PACS2: variants seen among roughly 807,000 people sequenced by gnomAD.
PACS2 encodes phosphofurin acidic cluster sorting protein 2.
PACS2 carries 36 observed loss-of-function variants against 113.0 expected under a neutral mutation model. That is an observed-to-expected ratio of 0.32 (90% CI 0.24 to 0.42). The LOEUF (loss-of-function observed/expected upper bound fraction) is 0.42, where lower values mean the gene tolerates loss of function less well. PACS2 is among the 10% of genes least tolerant of loss of function. PACS2 has a pLI of 1.00. For synonymous variants in PACS2, 589 were observed against 536.1 expected (o/e 1.10, Z -1.36); for missense variants, 1,015 against 1,239.5 (o/e 0.82, Z 2.72).
At chr14:105,387,441 G>A (rs887736799) in intron 19 of PACS2, among the ~76,000 whole-genome samples, 2 of 152,230 alleles carry the variant, frequency 1.3e-5, no homozygotes, top group African/African-American at 4.8e-5. Flanking sequence ...AGGGCCATGC[G>A]GAGTGGCCCC....
chr14:105,376,718 G>A lies in PACS2; in HGVS notation c.802-50G>A. 1 of 1,588,658 alleles carries A rather than the reference G, an allele frequency of 6.3e-7. No homozygotes were observed. ...CTGGGGTCTCGGGCGCCCCCAGTGG[G>A]GCAATGTGGGCTGCTGCAGGGAACT... On this transcript the variant is annotated intron_variant, in intron 8 of 24. Transcript: ENST00000447393. This position sits in a 1 kb window ranked among gnomAD's most constrained non-coding sequence, Gnocchi z 4.7.
At chr14:105,375,042 C>T (rs2061300061) in intron 8 of PACS2, 1 of 152,224 alleles carries the variant, frequency 6.6e-6, no homozygotes, top group South Asian at 2.1e-4. Context: ...GTAATCCCAG[C>T]ACTTTGGGGG....
In PACS2 at chr14:105,391,711, G is replaced by A; in HGVS notation, c.2200G>A (p.Ala734Thr). The A allele has an allele frequency of 6.2e-7, 1 of 1,602,404 alleles. No homozygotes were observed. The highest frequency in any genetic ancestry group is 8.5e-7 in the Non-Finnish European group (1 of 1,175,042). Reference sequence around the variant, plus strand: ...GTCCGCATCTCCTGCGGCCAAGGAGGCCTCACCCACCCCGCCCTCCTCCCC... The same window carrying A: ...GTCCGCATCTCCTGCGGCCAAGGAGACCTCACCCACCCCGCCCTCCTCCCC... ...PPSASPAAKE[A>T]SPTPPSSPSV... The change falls in exon 22 of 25, where the codon GCC becomes ACC. Residue 734 changes from alanine to threonine, a missense_variant. Ala to Thr is a moderately conservative substitution (Grantham distance 58, BLOSUM62 0). Around this residue, in one of 3 missense-constraint regions of PACS2, gnomAD observed 859 missense variants for 1,056.8 expected, o/e 0.81. Coordinates refer to ENST00000447393, the MANE Select transcript of PACS2 (RefSeq NM_001100913.3).
chr14:105,380,938 G>A lies in PACS2; in HGVS notation c.1126-19G>A, dbSNP rs782598902. On this transcript the variant is annotated intron_variant, in intron 11 of 24. Coordinates refer to ENST00000447393, the MANE Select transcript of PACS2 (RefSeq NM_001100913.3). Reference sequence around the variant, plus strand: ...GTGTGGTTTCCACGGGAGGCTCCAGGCCCGTCTCTGCTCAGCAGGGTGTGC... The same window carrying A: ...GTGTGGTTTCCACGGGAGGCTCCAGACCCGTCTCTGCTCAGCAGGGTGTGC... The A allele has an allele frequency of 1.9e-5, 31 of 1,601,106 alleles. 1 individual carries two copies. In the South Asian group the frequency reaches 2.7e-4, roughly 14 times the overall value.
rs2081049221 is a variant in PACS2 at position 105,383,080 on chromosome 14, T to G, written c.1625+167T>G. 7 of 627,556 alleles carry G rather than the reference T, an allele frequency of 1.1e-5. No individual in the cohort carries two copies. In the South Asian group the frequency reaches 1.1e-4, roughly 10 times the overall value. The allele number at this position is 627,556 out of a possible 1,614,324, so 38.9% of individuals were successfully genotyped here. A position where few individuals can be genotyped will look rare whatever the true frequency, so the allele number is the denominator to read the frequency against. On this transcript the variant is annotated intron_variant, in intron 15 of 24. Transcript: ENST00000447393. ...CTTCGCAGCCTGGCCTCCCCTCAGT[T>G]GTGGGCGGGAGCAGCAGCCTGGTGG...
intron 5 of PACS2, among the ~76,000 whole-genome samples, 169 bp downstream of exon 5, chr14:105,367,544 G>A (rs2060981697): frequency 1.3e-5 from 2 of 152,260 alleles, no homozygotes. Context: ...GCGCGCTGTT[G>A]TAGGGTCCGG....
chr14:105,377,539 G>C (rs2080828751), intron 9 of PACS2, among the ~76,000 whole-genome samples: 1 of 152,228 alleles, frequency 6.6e-6, no homozygotes, highest in Admixed American at 6.5e-5. Context: ...CTGGGCAGCT[G>C]CTGAGGAGCC....
At position 105,315,178 on chromosome 14, in the gene PACS2, C is replaced by G. The variant is rs2058519612; in HGVS notation, c.119+141C>G. ...CCCGCGCCCCCGCCCGCCGGTTCGA[C>G]GCGTGCAGCCGCCGCCCCCCCGCAG... On this transcript the variant is annotated intron_variant, in intron 1 of 24. Coordinates refer to ENST00000447393, the MANE Select transcript of PACS2 (RefSeq NM_001100913.3). The surrounding 1 kb of genome is among the most constrained non-coding windows in gnomAD (Gnocchi z 4.4). The G allele has an allele frequency of 1.2e-5, 4 of 340,858 alleles. No individual in the cohort carries two copies. The South Asian group carries it at 3.4e-4, about 29-fold the overall frequency. 21.1% of individuals were successfully genotyped at this position (340,858 alleles called of 1,614,324 possible).
At chr14:105,388,701 C>T (rs1160546095) in intron 19 of PACS2, 1 of 152,324 alleles carries the variant, frequency 6.6e-6, no homozygotes, top group Non-Finnish European at 1.5e-5. Flanking sequence ...CTCCTCTGCA[C>T]TGTGTGTGCA....
intron 24 of PACS2, 138 bp downstream of exon 24, chr14:105,393,473 C>T (rs950074214): frequency 1.1e-5 from 6 of 535,914 alleles, no homozygotes; most frequent in Middle Eastern, 8.1e-4. Context: ...CAAGCACATT[C>T]GATGAAGCCC....
intron 24 of PACS2, 24 bp downstream of exon 24, chr14:105,393,359 C>T: frequency 6.5e-7 from 1 of 1,532,596 alleles, no homozygotes; most frequent in Non-Finnish European, 9.0e-7. Flanking sequence ...GCCCCGGGGT[C>T]TGTAGAGTGG....
intron 5 of PACS2, 93 bp from the exon 6 acceptor site, chr14:105,367,981 C>A: frequency 1.2e-6 from 1 of 810,516 alleles, no homozygotes; most frequent in Non-Finnish European, 2.2e-6. Flanking sequence ...TCGCTGCCCC[C>A]ACTCTGTGTC....
rs1388806735 is a variant in PACS2, at chr14:105,396,943, C to G, written c.*2271C>G. ...CCTAGTGCATCCTGGCTGTGGGCAG[C>G]CCCTTTCCTGGAGCCCTCCTGCCTA... On this transcript the variant is annotated 3_prime_UTR_variant, in exon 25 of 25. Coordinates refer to ENST00000447393, the MANE Select transcript of PACS2 (RefSeq NM_001100913.3). 1 of 152,284 alleles carries G rather than the reference C, an allele frequency of 6.6e-6. No individual in the cohort carries two copies. The highest frequency in any genetic ancestry group is 2.4e-5 in the African/African-American group (1 of 41,450). The allele number at this position is 152,284 out of a possible 1,614,324, so 9.4% of individuals were successfully genotyped here. A position where few individuals can be genotyped will look rare whatever the true frequency, so the allele number is the denominator to read the frequency against.
chr14:105,317,854 C>T lies in PACS2; in HGVS notation c.119+2817C>T, dbSNP rs1273819808. On this transcript the variant is annotated intron_variant, in intron 1 of 24. Transcript: ENST00000447393. This position sits in a 1 kb window ranked among gnomAD's most constrained non-coding sequence, Gnocchi z 4.2. The stretch of plus-strand genomic sequence containing the variant: ...GGAGGCAGCCGGAGAAGTCTGCCCC[C>T]GGGAGCTTGAACTGGGCATGCTGGG... Among the ~76,000 whole-genome samples the T allele has an allele frequency of 1.3e-5, 2 of 152,144 alleles. No individual in the cohort carries two copies. Among genetic ancestry groups the T allele is most frequent in the Admixed American group, 6.5e-5 (1 of 15,278 alleles).
At position 105,384,950 on chromosome 14, in the gene PACS2, C is replaced by T. The variant is rs1555413219; in HGVS notation, c.1963C>T (p.Pro655Ser). ...IAGANCAHQLPIAEAMLTYKQ... is the reference protein window; with the variant it reads ...IAGANCAHQLSIAEAMLTYKQ... ...AGGGGCCAACTGTGCCCACCAGCTC[C>T]CCATCGCAGAGGCCATGCTGACCTA... The change falls in exon 18 of 25, where the codon CCC becomes TCC. Residue 655 changes from proline to serine, a missense_variant. Pro to Ser is a moderately conservative substitution (Grantham distance 74). Transcript: ENST00000447393. 1.3e-6 allele frequency: 2 copies of T among 1,598,088 alleles called. No individual in the cohort carries two copies. Among genetic ancestry groups the T allele is most frequent in the Non-Finnish European group, 1.7e-6 (2 of 1,172,516 alleles).
chr14:105,306,671 T>C (rs1213479441), intron 1 of PACS2, among the ~76,000 whole-genome samples: 1 of 151,888 alleles, frequency 6.6e-6, no homozygotes, highest in African/African-American at 2.4e-5. Context: ...AATGGCACGA[T>C]CTTGATGTAC....
At chr14:105,359,249 G>A (rs1555405887) in intron 4 of PACS2, among the ~76,000 whole-genome samples, 1 of 150,782 alleles carries the variant, frequency 6.6e-6, no homozygotes, top group Non-Finnish European at 1.5e-5. Context: ...CATCGTCAGT[G>A]CCCTATTCAC....
intron 2 of PACS2, among the ~76,000 whole-genome samples, chr14:105,349,991 G>A (rs1244588203): frequency 2.0e-5 from 3 of 149,742 alleles, no homozygotes; most frequent in Non-Finnish European, 3.0e-5. Context: ...CCGGGAGCGC[G>A]TGGCTAATAG....
upstream of PACS2, among the ~76,000 whole-genome samples, chr14:105,311,759 GCT>G (rs1387561790): frequency 6.6e-6 from 1 of 152,220 alleles, no homozygotes; most frequent in African/African-American, 2.4e-5. Flanking sequence ...CGGTCTTAGA[GCT>G]CTTGGCCATC....
Sources: allele counts gnomAD v4.1 joint callset (sites outside exome capture counted in the v4.1 genomes callset), GRCh38; gene constraint gnomAD v4.1.1; regional missense constraint gnomAD v4.1.1; non-coding constraint Gnocchi (gnomAD v3.1); transcripts MANE v1.5; gene names NCBI Gene and HGNC (gene_info 2026-07-23, HGNC 2026-07-21).